The following PLEKHH2 variants were observed in gnomAD, a reference collection of about 807,000 sequenced individuals.
PLEKHH2 encodes pleckstrin homology, MyTH4 and FERM domain containing H2, also known as pleckstrin homology domain-containing family H member 2.
In PLEKHH2, 129 loss-of-function variants were observed where a neutral mutation model predicts 187.9. That is an observed-to-expected ratio of 0.69 (90% CI 0.59 to 0.79). The LOEUF is 0.79. Among genes scored for constraint, PLEKHH2 ranks in the 30% least tolerant of loss-of-function variants. The probability of loss-of-function intolerance (pLI) is 0.00; values close to 1 mark genes in which losing one functional copy is unlikely to be tolerated. For synonymous variants in PLEKHH2, 686 were observed against 605.6 expected, an observed-to-expected ratio of 1.13 and a Z score of -1.95; for missense variants, 2,076 against 1,751.2, an observed-to-expected ratio of 1.19 and a Z score of -3.31.
intron 17 of PLEKHH2, 77 bp from the exon 18 acceptor site, chr2:43,729,557 TCTA>T (rs1299881135): frequency 9.9e-6 from 9 of 910,552 alleles, no homozygotes; most frequent in Non-Finnish European, 1.4e-5. Flanking sequence ...CTCAAAGTTT[TCTA>T]CTGTTTATGC....
intron 3 of PLEKHH2, among the ~76,000 whole-genome samples, chr2:43,689,564 T>C (rs1424576299): frequency 1.3e-5 from 2 of 152,208 alleles, no homozygotes; most frequent in African/African-American, 2.4e-5. Flanking sequence ...ACCTCTTAGC[T>C]TTTCTGTAGA....
chr2:43,675,774 TC>T lies in PLEKHH2; in HGVS notation c.124-3087del, dbSNP rs770474550. 3.7e-6 allele frequency: 6 copies of T among 1,613,638 alleles called. No individual in the cohort carries two copies. In the South Asian group the frequency reaches 6.6e-5, roughly 18 times the overall value. On this transcript the variant is annotated intron_variant, in intron 2 of 29. Transcript: ENST00000282406. ...TCAACTCTCTGCTTAAGACAATCCCTCCTTCCACAGTCACGTATTCGAGGTC... is the reference window on the plus strand; with the variant it reads ...TCAACTCTCTGCTTAAGACAATCCCTCTTCCACAGTCACGTATTCGAGGTC...
chr2:43,730,230 T>C (rs1232085943), intron 18 of PLEKHH2, among the ~76,000 whole-genome samples: 12 of 152,250 alleles, frequency 7.9e-5, no homozygotes, highest in Non-Finnish European at 2.9e-5. Context: ...CACAAATTCA[T>C]AAACTTTCTT....
chr2:43,644,211 C>G (rs1185677744), intron 1 of PLEKHH2, among the ~76,000 whole-genome samples: 1 of 152,042 alleles, frequency 6.6e-6, no homozygotes, highest in Non-Finnish European at 1.5e-5. Context: ...CCTTAAATTT[C>G]AGAATATGGT....
At chr2:43,706,760 C>G (rs1245831378) in intron 10 of PLEKHH2, among the ~76,000 whole-genome samples, 1 of 152,132 alleles carries the variant, frequency 6.6e-6, no homozygotes, top group Non-Finnish European at 1.5e-5. Flanking sequence ...GTACCCCTTC[C>G]TTGCTTGAAG....
In PLEKHH2 at chr2:43,758,913, C is replaced by T. The variant is rs1432852522; in HGVS notation, c.3955C>T (p.Arg1319Ter). The T allele has an allele frequency of 3.8e-6, 6 of 1,574,726 alleles. No individual in the cohort carries two copies. The highest frequency in any genetic ancestry group is 3.5e-5 in the South Asian group (3 of 84,806). The part of the protein sequence containing the change: ...SEEQLRQLCQ[R>*]LSTRWMALRG... ...CTTTTTTTTTAGGCAGCTTTGCCAG[C>T]GACTTTCAACCAGATGGATGGCCCT... The change falls in exon 27 of 30, where the codon CGA becomes TGA. Residue 1319 changes from arginine (R) to a stop codon, truncating the protein, a stop_gained. Transcript: ENST00000282406. LOFTEE classifies it high-confidence loss of function.
chr2:43,645,944 A>G (rs999225326), intron 2 of PLEKHH2, among the ~76,000 whole-genome samples: 1 of 152,166 alleles, frequency 6.6e-6, no homozygotes, highest in Non-Finnish European at 1.5e-5. Flanking sequence ...TCTTCCTTTC[A>G]TTGCTAGCCA....
intron 24 of PLEKHH2, among the ~76,000 whole-genome samples, chr2:43,748,188 C>T (rs1671856488): frequency 6.6e-6 from 1 of 152,156 alleles, no homozygotes; most frequent in Admixed American, 6.5e-5. Context: ...CTTCTTTATT[C>T]AGGGGCTCAT....
At position 43,762,332 on chromosome 2, in the gene PLEKHH2, C is replaced by T; in HGVS notation, c.4100C>T (p.Thr1367Ile). The change falls in exon 28 of 30, where the codon ACT becomes ATT. Residue 1367 changes from threonine to isoleucine, a missense_variant. Transcript: ENST00000282406. ...ATAACTCCATCATCACTTGGAAGTA[C>T]TTTCTTGTGGCTGGCTGTACATGAG... ...KPITPSSLGS[T>I]FLWLAVHEDG... The T allele has an allele frequency of 1.2e-6, 2 of 1,613,028 alleles. No homozygotes were observed. The highest frequency in any genetic ancestry group is 1.1e-5 in the South Asian group (1 of 91,050).
At position 43,767,524 on chromosome 2, in the gene PLEKHH2, G is replaced by T. The variant is rs1203566314; in HGVS notation, c.*1926G>T. 1 of 152,344 alleles carries T rather than the reference G, an allele frequency of 6.6e-6. No homozygotes were observed. The highest frequency in any genetic ancestry group is 2.4e-5 in the African/African-American group (1 of 41,456). 9.4% of individuals were successfully genotyped at this position (152,344 alleles called of 1,614,324 possible). ...GTTTTTGAGAATAAACTGGTAACCA[G>T]TTTGTGATGACTCTCAGAAGCCTTT... is the stretch of plus-strand genomic sequence containing the variant. On this transcript the variant is annotated 3_prime_UTR_variant, in exon 30 of 30. Transcript: ENST00000282406.
intron 8 of PLEKHH2, among the ~76,000 whole-genome samples, chr2:43,701,089 C>T (rs536478805): frequency 6.6e-6 from 1 of 152,186 alleles, no homozygotes; most frequent in South Asian, 2.1e-4. Flanking sequence ...AAGGTATTAC[C>T]TTATTTACTG....
intron 8 of PLEKHH2, among the ~76,000 whole-genome samples, chr2:43,701,546 T>C (rs2104489932): frequency 1.3e-5 from 2 of 152,294 alleles, no homozygotes; most frequent in African/African-American, 4.8e-5. Context: ...AGTTATAAGT[T>C]TTTGAACTTA....
chr2:43,679,217 T>G (rs564190221), intron 3 of PLEKHH2, among the ~76,000 whole-genome samples: 1 of 152,304 alleles, frequency 6.6e-6, no homozygotes, highest in African/African-American at 2.4e-5. Context: ...TATAAATATG[T>G]TCATAGTTGC....
At chr2:43,645,402 C>T (rs1216901523) in intron 2 of PLEKHH2, among the ~76,000 whole-genome samples, 1 of 152,060 alleles carries the variant, frequency 6.6e-6, no homozygotes, top group African/African-American at 2.4e-5. Context: ...ATGTGTTAGA[C>T]ACCGTTCTTA....
At chr2:43,656,694 A>G (rs1030637185) in intron 2 of PLEKHH2, among the ~76,000 whole-genome samples, 5 of 152,228 alleles carry the variant, frequency 3.3e-5, no homozygotes, top group African/African-American at 9.6e-5. Context: ...GTTGTGCACA[A>G]CAAATATATA....
intron 1 of PLEKHH2, among the ~76,000 whole-genome samples, chr2:43,641,317 G>A (rs1665908794): frequency 6.6e-6 from 1 of 152,078 alleles, no homozygotes; most frequent in Non-Finnish European, 1.5e-5. Context: ...TGCTTTAGGT[G>A]TCATATCTAA....
intron 25 of PLEKHH2, among the ~76,000 whole-genome samples, chr2:43,755,079 G>A (rs1050418645): frequency 1.3e-5 from 2 of 151,858 alleles, no homozygotes; most frequent in South Asian, 4.2e-4. Context: ...CACCATGTTG[G>A]CCAGGCTAGT....
At chr2:43,742,343 G>A (rs17414362) in intron 21 of PLEKHH2, among the ~76,000 whole-genome samples, 30,972 of 151,516 alleles carry the variant, frequency 0.2, 3,391 homozygotes, top group Admixed American at 0.3. Flanking sequence ...GTGGTCAAGC[G>A]TTAACCACCA....
chr2:43,723,597 G>A (rs1374330030), intron 16 of PLEKHH2, among the ~76,000 whole-genome samples: 1 of 152,142 alleles, frequency 6.6e-6, no homozygotes, highest in Non-Finnish European at 1.5e-5. Flanking sequence ...TTTCATATAG[G>A]CGTTATGAAA....
Sources: gnomAD v4.1 joint callset for allele counts (sites outside exome capture counted in the v4.1 genomes callset) on GRCh38, gnomAD v4.1.1 for gene constraint, MANE v1.5 for transcripts, NCBI Gene and HGNC (gene_info 2026-07-23, HGNC 2026-07-21) for gene names.